ZFHX3: variants seen among roughly 807,000 people sequenced by gnomAD.
ZFHX3 encodes the protein zinc finger homeobox 3, also known as zinc finger homeobox protein 3.
A neutral mutation model predicts 279.1 loss-of-function variants in ZFHX3; 42 were observed. The ratio of observed to expected loss-of-function variants is 0.15; its 90% confidence interval spans 0.12 to 0.19. ZFHX3 has a LOEUF of 0.19. Ranked by LOEUF, ZFHX3 falls within the 10% of genes least tolerant of loss-of-function variation. The pLI is 1.00. For missense variants in ZFHX3, 4,981 were observed against 4,754.0 expected, an observed-to-expected ratio of 1.05 and a Z score of -1.40; for synonymous variants, 2,293 against 1,957.8, an observed-to-expected ratio of 1.17 and a Z score of -4.52.
At chr16:73,254,881 C>T (rs2013618103) in intron 5 of ZFHX3, among the ~76,000 whole-genome samples, 1 of 152,114 alleles carries the variant, frequency 6.6e-6, no homozygotes, top group African/African-American at 2.4e-5. Flanking sequence ...AAGAGGTCTC[C>T]ATCCACCTGT....
intron 1 of ZFHX3, among the ~76,000 whole-genome samples, chr16:73,845,438 G>A (rs1290881487): frequency 6.6e-6 from 1 of 152,008 alleles, no homozygotes; most frequent in African/African-American, 2.4e-5. Flanking sequence ...TTAGCGAGTG[G>A]ATTTTAAATA....
At chr16:73,680,243 G>A (rs983676185) in intron 1 of ZFHX3, 8 of 145,736 alleles carry the variant, frequency 5.5e-5, no homozygotes, top group African/African-American at 1.8e-4. Flanking sequence ...CCAGAAGCCT[G>A]TAAATATGAA....
At chr16:73,785,947 C>T (rs1273105568) in intron 1 of ZFHX3, among the ~76,000 whole-genome samples, 1 of 151,938 alleles carries the variant, frequency 6.6e-6, no homozygotes, top group Non-Finnish European at 1.5e-5. Context: ...CTTGGCTCAC[C>T]ACAACCTCCA....
chr16:73,754,875 G>A (rs188929023), intron 1 of ZFHX3, among the ~76,000 whole-genome samples: 115 of 152,202 alleles, frequency 7.6e-4, no homozygotes, highest in African/African-American at 2.7e-3. Context: ...AAATTTCACC[G>A]ATTTCTCAGA....
At chr16:73,602,491 G>T (rs2052129218) in intron 2 of ZFHX3, among the ~76,000 whole-genome samples, 1 of 152,092 alleles carries the variant, frequency 6.6e-6, no homozygotes. Flanking sequence ...CCTTTATCCT[G>T]CCTTAATTGT....
rs562574686 is a variant in ZFHX3 at position 73,446,751 on chromosome 16, G to C, written c.-1291+9252C>G. On this transcript the variant is annotated intron_variant, in intron 3 of 17. Transcript: ENST00000641206. ...CCTACCGGAGAGTAGTGGGTGAAAG[G>C]AGGGAGAGAATCAGCAAAAATCAAC... Among the ~76,000 whole-genome samples the C allele has an allele frequency of 3.9e-4, 60 of 152,248 alleles. No individual in the cohort carries two copies. In the South Asian group the frequency reaches 0.012, roughly 29 times the overall value.
intron 1 of ZFHX3, among the ~76,000 whole-genome samples, chr16:73,807,765 C>A: frequency 6.6e-6 from 1 of 151,656 alleles, no homozygotes; most frequent in East Asian, 1.9e-4. Context: ...GCCACTGCAC[C>A]CAGCCAAAGT....
rs200366812 is a variant in ZFHX3, at chr16:72,812,029, C to A, written c.3539G>T (p.Ser1180Ile). The A allele has an allele frequency of 1.5e-5, 24 of 1,613,896 alleles. No individual in the cohort carries two copies. The highest frequency in any genetic ancestry group is 2.0e-5 in the Non-Finnish European group (24 of 1,179,958). ...AKDQEGGASS[S>I]QAEKELTDSP... ...ATCTGTCAGCTCCTTCTCTGCTTGGCTGGACGATGCTAAAAGAGAAAGTAG... is the reference window on the plus strand; with the variant it reads ...ATCTGTCAGCTCCTTCTCTGCTTGGATGGACGATGCTAAAAGAGAAAGTAG... Residue 1180 changes from serine to isoleucine, a missense_variant, in exon 6 of 10, where the codon AGC becomes ATC. Ser to Ile is a moderately radical substitution (Grantham distance 142). This residue lies in a region of ZFHX3 where 1,751 missense variants were observed against 1,770.0 expected (regional missense o/e 0.99). Coordinates refer to ENST00000268489, the MANE Select transcript of ZFHX3 (RefSeq NM_006885.4).
Position 72,793,802 on chromosome 16 carries a change from G to A in ZFHX3, c.8880C>T (p.Val2960=), listed in dbSNP as rs1397730377. 5.0e-6 allele frequency: 8 copies of A among 1,614,020 alleles called. No individual in the cohort carries two copies. The highest frequency in any genetic ancestry group is 1.6e-4 in the Middle Eastern group (1 of 6,082). Residue 2960 remains valine, a synonymous_variant, in exon 9 of 10, where the codon GTC becomes GTT. Coordinates refer to ENST00000268489, the MANE Select transcript of ZFHX3 (RefSeq NM_006885.4). This position sits in a 1 kb window ranked among gnomAD's most constrained non-coding sequence, Gnocchi z 4.3. Reference sequence around the variant, plus strand: ...TGTAGTCATTAAAGCATGACTTGAGGACCTTCAGCTGCAGATTGGTCATTT... The same window carrying A: ...TGTAGTCATTAAAGCATGACTTGAGAACCTTCAGCTGCAGATTGGTCATTT... ...RTQMTNLQLK[V]LKSCFNDYRT...
intron 5 of ZFHX3, among the ~76,000 whole-genome samples, chr16:73,202,393 T>C (rs993474161): frequency 6.6e-5 from 10 of 152,320 alleles, no homozygotes; most frequent in Non-Finnish European, 1.3e-4. Context: ...ATATGAAGCC[T>C]GAGAAGAAAA....
At chr16:73,323,122 C>T (rs55747396) in intron 3 of ZFHX3, among the ~76,000 whole-genome samples, 25 of 152,136 alleles carry the variant, frequency 1.6e-4, no homozygotes, top group Admixed American at 1.3e-3. Context: ...GGAAGGAGAG[C>T]GATCATCATG....
intron 1 of ZFHX3, chr16:73,794,158 G>A (rs1426160449): frequency 6.6e-6 from 1 of 152,216 alleles, no homozygotes; most frequent in East Asian, 1.9e-4. Flanking sequence ...AAAGTGATTG[G>A]AGCAGGCTTT....
At chr16:73,794,720 T>C (rs1214187831) in intron 1 of ZFHX3, among the ~76,000 whole-genome samples, 1 of 152,198 alleles carries the variant, frequency 6.6e-6, no homozygotes, top group Admixed American at 6.5e-5. Context: ...AATTATTCTA[T>C]ACCTTTTCCT....
chr16:73,851,717 G>T (rs1326343180), intron 1 of ZFHX3, among the ~76,000 whole-genome samples: 9 of 152,120 alleles, frequency 5.9e-5, no homozygotes, highest in Admixed American at 5.2e-4. Flanking sequence ...CAATACTATT[G>T]TATCAAACAT....
At chr16:73,819,580 C>T (rs7195212) in intron 1 of ZFHX3, among the ~76,000 whole-genome samples, 10,505 of 151,960 alleles carry the variant, frequency 0.069, 943 homozygotes, top group African/African-American at 0.21. Flanking sequence ...TGTGGCTGTA[C>T]CTGTTGATCT....
At chr16:73,347,743 T>C (rs1200353570) in intron 3 of ZFHX3, among the ~76,000 whole-genome samples, 1 of 152,260 alleles carries the variant, frequency 6.6e-6, no homozygotes, top group Non-Finnish European at 1.5e-5. Context: ...CAGGCAGCTG[T>C]GGCTGCATCC....
At chr16:73,735,627 A>C (rs1380704310) in intron 1 of ZFHX3, among the ~76,000 whole-genome samples, 1 of 152,156 alleles carries the variant, frequency 6.6e-6, no homozygotes, top group Non-Finnish European at 1.5e-5. Flanking sequence ...CACTATCACC[A>C]AACAATGACA....
At chr16:73,130,248 T>G in intron 7 of ZFHX3, among the ~76,000 whole-genome samples, 1 of 150,048 alleles carries the variant, frequency 6.7e-6, no homozygotes, top group African/African-American at 2.5e-5. Context: ...AAATTTTTGG[T>G]GGAGGGAAAA....
intron 1 of ZFHX3, among the ~76,000 whole-genome samples, chr16:72,991,074 T>C (rs1404694499): frequency 2.9e-5 from 2 of 69,184 alleles, no homozygotes; most frequent in African/African-American, 5.2e-5. Context: ...AGCATTAGGA[T>C]AATATAGTAT....
Sources: allele counts gnomAD v4.1 joint callset (sites outside exome capture counted in the v4.1 genomes callset), GRCh38; gene constraint gnomAD v4.1.1; regional missense constraint gnomAD v4.1.1; non-coding constraint Gnocchi (gnomAD v3.1); transcripts MANE v1.5; gene names NCBI Gene and HGNC (gene_info 2026-07-23, HGNC 2026-07-21).